The following MBD5 variants were observed in gnomAD, a reference collection of about 807,000 sequenced individuals.
MBD5 encodes the protein methyl-CpG-binding domain protein 5.
Under a neutral mutation model 117.3 loss-of-function variants are expected in MBD5, and 13 were observed. That is an observed-to-expected ratio of 0.11 (90% confidence interval 0.07 to 0.18). The LOEUF (loss-of-function observed/expected upper bound fraction) is 0.18. MBD5 is among the 10% of genes least tolerant of loss of function. The probability of loss-of-function intolerance (pLI) is 1.00; values close to 1 mark genes in which losing one functional copy is unlikely to be tolerated. For missense variants in MBD5, 1,879 were observed against 2,093.8 expected, an observed-to-expected ratio of 0.90 and a Z score of 2.00; for synonymous variants, 727 against 766.4, an observed-to-expected ratio of 0.95 and a Z score of 0.85.
intron 1 of MBD5, among the ~76,000 whole-genome samples, chr2:148,156,961 A>T (rs1033131802): frequency 1.3e-5 from 2 of 152,190 alleles, no homozygotes; most frequent in Non-Finnish European, 2.9e-5. Context: ...ACATAGAAAG[A>T]TACTTCATAA....
Position 148,215,971 on chromosome 2 carries a change from A to G in MBD5, c.-830-17274A>G, listed in dbSNP as rs77887818. ...TGTCTTTAAGAAATCCTCCCTCTGCACTTTTAAATTATAACAGAAAAAAAC... is the reference window on the plus strand; with the variant it reads ...TGTCTTTAAGAAATCCTCCCTCTGCGCTTTTAAATTATAACAGAAAAAAAC... On this transcript the variant is annotated intron_variant, in intron 2 of 13. Coordinates refer to ENST00000642680, the MANE Select transcript of MBD5 (RefSeq NM_001378120.1). Among the ~76,000 whole-genome samples, 128 of 152,322 alleles carry G rather than the reference A, an allele frequency of 8.4e-4. 4 individuals are homozygous for G. In the East Asian group the frequency reaches 0.023, roughly 28 times the overall value.
intron 4 of MBD5, among the ~76,000 whole-genome samples, chr2:148,419,754 A>T (rs953168141): frequency 7.2e-5 from 11 of 152,106 alleles, no homozygotes; most frequent in Admixed American, 2.0e-4. Flanking sequence ...ATTGGTTCTC[A>T]TAATTTTTCA....
At chr2:148,213,645 T>C (rs1699483758) in intron 2 of MBD5, among the ~76,000 whole-genome samples, 1 of 152,202 alleles carries the variant, frequency 6.6e-6, no homozygotes, top group Non-Finnish European at 1.5e-5. Context: ...TTAACTGATT[T>C]TAATTTCTAA....
At position 148,512,641 on chromosome 2, in the gene MBD5, G is replaced by A. The variant is rs534847461; in HGVS notation, c.5113-229G>A. On this transcript the variant is annotated intron_variant, in intron 13 of 13. Transcript: ENST00000642680. ...TGTTTTCCACTGTCTATTGGCACCC[G>A]CAGAGTGTTGCACTGCTTATCAGTT... Among the ~76,000 whole-genome samples, 6 of 152,260 alleles carry A rather than the reference G, an allele frequency of 3.9e-5. No homozygotes were observed. In the East Asian group the frequency reaches 5.8e-4, roughly 15 times the overall value.
intron 4 of MBD5, among the ~76,000 whole-genome samples, chr2:148,384,773 A>C (rs929615808): frequency 3.5e-4 from 54 of 152,210 alleles, no homozygotes; most frequent in Non-Finnish European, 6.3e-4. Flanking sequence ...GATATAGACC[A>C]ATGGAACAGA....
rs73007180 is a variant in MBD5, at chr2:148,102,071, T to C, written c.-924-76629T>C. Among the ~76,000 whole-genome samples, 369 of 152,294 alleles carry C rather than the reference T, an allele frequency of 2.4e-3. 1 individual carries two copies. The highest frequency in any genetic ancestry group is 8.3e-3 in the African/African-American group (344 of 41,546). ...AGGCCTGAATTAAATTGAAAGGAAA[T>C]TTTTTAAAACTCATATCTGTTCCTG... On this transcript the variant is annotated intron_variant, in intron 1 of 13. Coordinates refer to ENST00000642680, the MANE Select transcript of MBD5 (RefSeq NM_001378120.1).
intron 1 of MBD5, among the ~76,000 whole-genome samples, chr2:148,033,005 C>T (rs1387521361): frequency 2.6e-5 from 4 of 152,078 alleles, no homozygotes; most frequent in Non-Finnish European, 5.9e-5. Context: ...ACTTCAAGTG[C>T]ATTAGGCTGG....
chr2:148,398,721 C>T (rs1168143323), intron 4 of MBD5, among the ~76,000 whole-genome samples: 1 of 152,160 alleles, frequency 6.6e-6, no homozygotes, highest in Admixed American at 6.5e-5. Context: ...ACAGGAAGTC[C>T]TTGCCCATGT....
At chr2:148,145,077 T>A (rs568029733) in intron 1 of MBD5, among the ~76,000 whole-genome samples, 2 of 152,356 alleles carry the variant, frequency 1.3e-5, no homozygotes, top group Admixed American at 1.3e-4. Context: ...TTCCTATTCA[T>A]GAGCATGGAA....
chr2:148,325,568 G>T (rs1702423438), intron 3 of MBD5, among the ~76,000 whole-genome samples: 1 of 152,198 alleles, frequency 6.6e-6, no homozygotes, highest in South Asian at 2.1e-4. Context: ...TCTTGGGAGA[G>T]TGTATGTGTC....
At chr2:148,229,883 CATCTCTGTCTCT>C (rs1228986341) in intron 2 of MBD5, among the ~76,000 whole-genome samples, 1 of 151,048 alleles carries the variant, frequency 6.6e-6, no homozygotes, top group Non-Finnish European at 1.5e-5. Context: ...ACCCCACCCC[CATCTCTGTCTCT>C]GTCTCTGTCT....
chr2:148,144,422 G>C (rs1267520083), intron 1 of MBD5, among the ~76,000 whole-genome samples: 11 of 152,038 alleles, frequency 7.2e-5, no homozygotes, highest in Admixed American at 1.3e-4. Flanking sequence ...ATGGTAGTTT[G>C]TTTTGCTCTG....
At chr2:148,375,936 G>C (rs960309792) in intron 4 of MBD5, among the ~76,000 whole-genome samples, 2 of 151,866 alleles carry the variant, frequency 1.3e-5, no homozygotes, top group African/African-American at 4.8e-5. Flanking sequence ...TGGGGTTGTA[G>C]TATAGAATTT....
chr2:148,158,929 A>G (rs948148408), intron 1 of MBD5, among the ~76,000 whole-genome samples: 27 of 152,162 alleles, frequency 1.8e-4, no homozygotes, highest in Non-Finnish European at 2.2e-4. Context: ...TCATCGTGTT[A>G]GCCAGGATGG....
At chr2:148,174,090 T>A (rs1417463649) in intron 1 of MBD5, among the ~76,000 whole-genome samples, 1 of 151,732 alleles carries the variant, frequency 6.6e-6, no homozygotes, top group South Asian at 2.1e-4. Flanking sequence ...GCAAAAAAAA[T>A]TAAAATAAAA....
chr2:148,389,624 T>C (rs1420515046), intron 4 of MBD5, among the ~76,000 whole-genome samples: 1 of 152,104 alleles, frequency 6.6e-6, no homozygotes. Flanking sequence ...TAATAGCCAT[T>C]CTGACTGGTG....
intron 1 of MBD5, among the ~76,000 whole-genome samples, chr2:148,178,421 T>C (rs987999140): frequency 1.3e-5 from 2 of 152,200 alleles, no homozygotes; most frequent in African/African-American, 4.8e-5. Context: ...AAATTTTGCA[T>C]AGAAACTAGG....
At chr2:148,486,043 C>T (rs1044905806) in intron 10 of MBD5, 93 bp downstream of exon 10, 29 of 1,165,818 alleles carry the variant, frequency 2.5e-5, no homozygotes, top group Admixed American at 5.1e-5. Flanking sequence ...AAGTAGGTTA[C>T]GTGCCCTTTC....
At chr2:148,406,328 A>C (rs1348614347) in intron 4 of MBD5, among the ~76,000 whole-genome samples, 1 of 152,214 alleles carries the variant, frequency 6.6e-6, no homozygotes, top group East Asian at 1.9e-4. Flanking sequence ...TATAATCTCC[A>C]AGAAAACATG....
Sources: gnomAD v4.1 joint callset for allele counts (sites outside exome capture counted in the v4.1 genomes callset) on GRCh38, gnomAD v4.1.1 for gene constraint, MANE v1.5 for transcripts, NCBI Gene and HGNC (gene_info 2026-07-23, HGNC 2026-07-21) for gene names.